Variants in TRAPPC9 observed in about 807,000 individuals in gnomAD.
TRAPPC9 encodes the protein trafficking protein particle complex subunit 9.
A neutral mutation model predicts 124.0 loss-of-function variants in TRAPPC9; 83 were observed. That is an observed-to-expected ratio of 0.67 (90% CI 0.56 to 0.80). The LOEUF (loss-of-function observed/expected upper bound fraction) is 0.80. TRAPPC9 is among the 30% of genes least tolerant of loss of function. The pLI is 0.00. For synonymous variants in TRAPPC9, 638 were observed against 617.5 expected (o/e 1.03, Z -0.49); for missense variants, 1,302 against 1,508.3 (o/e 0.86, Z 2.27).
intron 18 of TRAPPC9, among the ~76,000 whole-genome samples, chr8:140,001,052 A>T (rs1838360127): frequency 6.6e-6 from 1 of 152,272 alleles, no homozygotes; most frequent in African/African-American, 2.4e-5. Flanking sequence ...CTATGCAGCC[A>T]TAAAAAAGGA....
At chr8:139,836,013 TATTTA>T (rs1826319212) in intron 21 of TRAPPC9, among the ~76,000 whole-genome samples, 1 of 134,880 alleles carries the variant, frequency 7.4e-6, no homozygotes, top group South Asian at 2.2e-4. Context: ...TTTATTTATT[TATTTA>T]TTTTTTTTGA....
Position 140,423,606 on chromosome 8 carries a change from A to ACACACAT in TRAPPC9, c.886+3008_886+3009insATGTGTG, listed in dbSNP as rs763169763. Among the ~76,000 whole-genome samples, 275 of 151,746 alleles carry ACACACAT rather than the reference A, an allele frequency of 1.8e-3. 2 individuals are homozygous for ACACACAT. The highest frequency in any genetic ancestry group is 6.5e-3 in the African/African-American group (268 of 41,390). ...CACACACACACACACACACACACAC[A>ACACACAT]CACATCACATATATACACATATACA... On this transcript the variant is annotated intron_variant, in intron 5 of 22. Coordinates refer to ENST00000438773, the MANE Select transcript of TRAPPC9 (RefSeq NM_001160372.4).
At chr8:140,361,012 C>G (rs1207342676) in intron 8 of TRAPPC9, among the ~76,000 whole-genome samples, 3 of 152,222 alleles carry the variant, frequency 2.0e-5, no homozygotes, top group African/African-American at 2.4e-5. Context: ...GCTGGGATTA[C>G]AGGTATGAGC....
intron 21 of TRAPPC9, among the ~76,000 whole-genome samples, chr8:139,847,770 C>T (rs370179653): frequency 5.4e-5 from 8 of 147,582 alleles, no homozygotes; most frequent in African/African-American, 1.8e-4. Context: ...CCTGCCTCTC[C>T]GGCGGCCCAG....
At chr8:140,305,308 T>TGA (rs149087680) in intron 10 of TRAPPC9, among the ~76,000 whole-genome samples, 14 of 151,600 alleles carry the variant, frequency 9.2e-5, no homozygotes, top group Non-Finnish European at 1.6e-4. Flanking sequence ...TTCTTTTTTT[T>TGA]GAGAGAGAGA....
chr8:140,331,768 A>T, intron 9 of TRAPPC9, among the ~76,000 whole-genome samples: 1 of 152,220 alleles, frequency 6.6e-6, no homozygotes, highest in East Asian at 1.9e-4. Context: ...AATCAAAACC[A>T]CAGTGAGAGA....
At chr8:140,203,190 T>C (rs553683537) in intron 17 of TRAPPC9, among the ~76,000 whole-genome samples, 2 of 152,192 alleles carry the variant, frequency 1.3e-5, no homozygotes, top group Non-Finnish European at 2.9e-5. Flanking sequence ...ATAGCACTAG[T>C]TGAACAAAGC....
intron 16 of TRAPPC9, among the ~76,000 whole-genome samples, chr8:140,250,437 C>T (rs995191434): frequency 1.3e-5 from 2 of 152,180 alleles, no homozygotes; most frequent in Admixed American, 6.5e-5. Flanking sequence ...TGGATCCACA[C>T]GTGGTCCCCC....
At chr8:140,229,215 C>T (rs1474588990) in intron 16 of TRAPPC9, among the ~76,000 whole-genome samples, 3 of 146,346 alleles carry the variant, frequency 2.0e-5, no homozygotes, top group South Asian at 2.2e-4. Flanking sequence ...ATACATCGAA[C>T]ATTGTGCTTT....
chr8:139,797,322 T>C (rs1311110801), intron 21 of TRAPPC9, among the ~76,000 whole-genome samples: 1 of 152,182 alleles, frequency 6.6e-6, no homozygotes, highest in Admixed American at 6.5e-5. Context: ...TGCAGTGGCG[T>C]GATCTTGGCT....
rs149573089 is a variant in TRAPPC9 at position 140,071,462 on chromosome 8, C to G, written c.2557-47383G>C. Among the ~76,000 whole-genome samples the G allele has an allele frequency of 5.7e-4, 87 of 152,292 alleles. 2 individuals are homozygous for G. In the South Asian group the frequency reaches 0.016, roughly 27 times the overall value. On this transcript the variant is annotated intron_variant, in intron 17 of 22. Transcript: ENST00000438773. ...CTTTCCCTGGAAGAGTGAGGAAACACGGGCTCAAGCGTGCAGTCTCCCCCT... is the reference window on the plus strand; with the variant it reads ...CTTTCCCTGGAAGAGTGAGGAAACAGGGGCTCAAGCGTGCAGTCTCCCCCT...
intron 17 of TRAPPC9, among the ~76,000 whole-genome samples, chr8:140,106,586 C>T (rs1467178560): frequency 1.3e-5 from 2 of 152,040 alleles, no homozygotes; most frequent in African/African-American, 4.8e-5. Context: ...TGTTCTTGGT[C>T]GTGGGGGAGC....
upstream of TRAPPC9, chr8:140,458,290 A>G: frequency 6.4e-7 from 1 of 1,556,634 alleles, no homozygotes; most frequent in Non-Finnish European, 8.7e-7. Context: ...CCAGTCCTTC[A>G]GGGCGCGCAG....
chr8:140,437,618 C>T (rs1427425278), intron 3 of TRAPPC9, among the ~76,000 whole-genome samples: 3 of 152,150 alleles, frequency 2.0e-5, no homozygotes, highest in Non-Finnish European at 2.9e-5. Context: ...AGCGAGACTC[C>T]GTCCCCAAGA....
At chr8:140,095,814 G>C in intron 17 of TRAPPC9, 1 of 152,240 alleles carries the variant, frequency 6.6e-6, no homozygotes, top group East Asian at 1.9e-4. Context: ...ACCTGAAAGA[G>C]GTGAGGACTT....
chr8:139,939,674 G>C (rs1398373273), intron 19 of TRAPPC9, among the ~76,000 whole-genome samples: 1 of 152,212 alleles, frequency 6.6e-6, no homozygotes, highest in Admixed American at 6.5e-5. Flanking sequence ...GCCTCCCTCT[G>C]GTCCTTTTCA....
chr8:139,833,968 C>G (rs1210273573), intron 21 of TRAPPC9, among the ~76,000 whole-genome samples: 1 of 152,142 alleles, frequency 6.6e-6, no homozygotes, highest in Non-Finnish European at 1.5e-5. Context: ...CGCAGGCTTT[C>G]CTGTGGCATG....
intron 17 of TRAPPC9, chr8:140,100,493 C>A (rs142752565): frequency 6.6e-6 from 1 of 152,384 alleles, no homozygotes; most frequent in African/African-American, 2.4e-5. Flanking sequence ...ACATGATCCG[C>A]GTAGTAAGGA....
At chr8:140,025,074 G>A (rs1840060894) in intron 17 of TRAPPC9, among the ~76,000 whole-genome samples, 2 of 152,178 alleles carry the variant, frequency 1.3e-5, no homozygotes. Context: ...CCACCCATGG[G>A]GGTGGCGCTG....
Sources: allele counts gnomAD v4.1 joint callset (sites outside exome capture counted in the v4.1 genomes callset), GRCh38; gene constraint gnomAD v4.1.1; transcripts MANE v1.5; gene names NCBI Gene and HGNC (gene_info 2026-07-23, HGNC 2026-07-21).